The following RABGAP1L variants were observed in gnomAD, a reference collection of about 807,000 sequenced individuals.
RABGAP1L encodes the protein rab GTPase-activating protein 1-like.
Under a neutral mutation model 137.7 loss-of-function variants are expected in RABGAP1L, and 63 were observed. That is an observed-to-expected ratio of 0.46 (90% CI 0.37 to 0.56). The LOEUF is 0.56. Among genes scored for constraint, RABGAP1L ranks in the 20% least tolerant of loss-of-function variants. The pLI is 0.00. For synonymous variants in RABGAP1L, 431 were observed against 433.7 expected, an observed-to-expected ratio of 0.99 and a Z score of 0.08; for missense variants, 1,095 against 1,244.0, an observed-to-expected ratio of 0.88 and a Z score of 1.80.
intron 4 of RABGAP1L, among the ~76,000 whole-genome samples, chr1:174,237,062 G>T: frequency 2.1e-5 from 3 of 142,720 alleles, no homozygotes; most frequent in South Asian, 2.3e-4. Flanking sequence ...TTGGTTTAAA[G>T]TCTGTTTTAT....
intron 18 of RABGAP1L, among the ~76,000 whole-genome samples, chr1:174,806,377 A>G (rs944434276): frequency 3.3e-5 from 5 of 152,228 alleles, no homozygotes; most frequent in African/African-American, 1.2e-4. Context: ...AGGCAGGAGA[A>G]TGGCTTGAGG....
At chr1:174,181,954 G>C (rs1246900327) in intron 1 of RABGAP1L, among the ~76,000 whole-genome samples, 1 of 152,170 alleles carries the variant, frequency 6.6e-6, no homozygotes, top group African/African-American at 2.4e-5. Flanking sequence ...TTTTAAAATA[G>C]CATAAATGAG....
At chr1:174,241,739 A>T (rs1390311924) in intron 5 of RABGAP1L, 82 bp downstream of exon 5, 2 of 1,123,966 alleles carry the variant, frequency 1.8e-6, no homozygotes, top group Non-Finnish European at 2.5e-6. Context: ...TGTTGTATAA[A>T]TATGTTACAT....
intron 11 of RABGAP1L, among the ~76,000 whole-genome samples, chr1:174,307,590 C>T (rs1309847468): frequency 6.6e-6 from 1 of 152,120 alleles, no homozygotes; most frequent in East Asian, 1.9e-4. Context: ...TTTCACTTAG[C>T]ACAGTGTTTT....
chr1:174,585,958 C>T (rs944119199), intron 13 of RABGAP1L, among the ~76,000 whole-genome samples: 1 of 152,180 alleles, frequency 6.6e-6, no homozygotes, highest in African/African-American at 2.4e-5. Flanking sequence ...TTGTGGAAGA[C>T]AGTGTGGTGA....
At chr1:174,690,125 C>G (rs1009824430) in intron 15 of RABGAP1L, among the ~76,000 whole-genome samples, 1 of 145,732 alleles carries the variant, frequency 6.9e-6, no homozygotes, top group Non-Finnish European at 1.6e-5. Context: ...TATCTTATGT[C>G]TCTCTGCCTT....
intron 12 of RABGAP1L, among the ~76,000 whole-genome samples, chr1:174,376,166 AAAAGAAAGAAGG>A (rs1358935007): frequency 6.6e-6 from 1 of 151,496 alleles, no homozygotes; most frequent in Non-Finnish European, 1.5e-5. Context: ...GAGAGAAAGA[AAAAGAAAGAAGG>A]AAAGAAAGTG....
At chr1:174,599,396 A>G (rs181041916) in intron 13 of RABGAP1L, among the ~76,000 whole-genome samples, 1 of 152,302 alleles carries the variant, frequency 6.6e-6, no homozygotes, top group Admixed American at 6.5e-5. Flanking sequence ...GTGTTATCAT[A>G]TTCTGTATTT....
chr1:174,736,009 T>C (rs1293959274), intron 17 of RABGAP1L, among the ~76,000 whole-genome samples: 1 of 152,180 alleles, frequency 6.6e-6, no homozygotes. Context: ...ATCCAGCCCA[T>C]GTCATTCTAC....
chr1:174,921,891 C>T (rs116756023), intron 19 of RABGAP1L, among the ~76,000 whole-genome samples: 3 of 152,290 alleles, frequency 2.0e-5, no homozygotes, highest in Non-Finnish European at 4.4e-5. Flanking sequence ...TAGGTGAGCA[C>T]TAAATGCTAT....
intron 14 of RABGAP1L, among the ~76,000 whole-genome samples, chr1:174,646,568 A>G (rs1050968524): frequency 6.6e-6 from 1 of 152,104 alleles, no homozygotes; most frequent in Non-Finnish European, 1.5e-5. Context: ...CCATTGGTCT[A>G]TATATCTGTT....
At chr1:174,924,869 A>G (rs1183608802) in intron 19 of RABGAP1L, among the ~76,000 whole-genome samples, 1 of 152,214 alleles carries the variant, frequency 6.6e-6, no homozygotes, top group Non-Finnish European at 1.5e-5. Flanking sequence ...GTAAAAATCC[A>G]TAGTACTGTA....
At chr1:174,623,193 A>T (rs575187051) in intron 13 of RABGAP1L, among the ~76,000 whole-genome samples, 58 of 152,332 alleles carry the variant, frequency 3.8e-4, no homozygotes, top group Admixed American at 2.5e-3. Context: ...TATGAATAAT[A>T]TTTTGTTAAT....
chr1:174,428,978 A>G, intron 13 of RABGAP1L, among the ~76,000 whole-genome samples: 1 of 151,688 alleles, frequency 6.6e-6, no homozygotes, highest in South Asian at 2.1e-4. Context: ...TACAACACAG[A>G]TTTTTTTTTG....
At chr1:174,584,157 G>A (rs1668942874) in intron 13 of RABGAP1L, among the ~76,000 whole-genome samples, 2 of 152,130 alleles carry the variant, frequency 1.3e-5, no homozygotes, top group Admixed American at 1.3e-4. Context: ...CATTCTCACT[G>A]CTTAAATGGA....
chr1:174,622,774 C>T (rs1045787922), intron 13 of RABGAP1L, among the ~76,000 whole-genome samples: 3 of 152,198 alleles, frequency 2.0e-5, no homozygotes, highest in Admixed American at 2.0e-4. Context: ...TTAATGGGTG[C>T]AGCACACCAG....
intron 13 of RABGAP1L, among the ~76,000 whole-genome samples, chr1:174,619,103 A>G (rs927456667): frequency 3.9e-5 from 6 of 152,226 alleles, no homozygotes; most frequent in African/African-American, 1.4e-4. Context: ...AAGAATAAAA[A>G]GAAATGAACA....
chr1:174,278,439 G>A (rs1675200136), intron 9 of RABGAP1L, among the ~76,000 whole-genome samples, 174 bp from the exon 10 acceptor site: 1 of 152,108 alleles, frequency 6.6e-6, no homozygotes, highest in East Asian at 1.9e-4. Flanking sequence ...TAAGAAACAT[G>A]CTTGGAGTAC....
intron 19 of RABGAP1L, chr1:174,850,222 A>C (rs1648050150): frequency 6.4e-6 from 2 of 313,922 alleles, no homozygotes; most frequent in Admixed American, 4.1e-5. Context: ...ACACCAGTGC[A>C]GGAAACCTCC....
Sources: gnomAD v4.1 joint callset for allele counts (sites outside exome capture counted in the v4.1 genomes callset) on GRCh38, gnomAD v4.1.1 for gene constraint, MANE v1.5 for transcripts, NCBI Gene and HGNC (gene_info 2026-07-23, HGNC 2026-07-21) for gene names.